LNX1: variants seen among roughly 807,000 people sequenced by gnomAD.
LNX1 encodes the protein E3 ubiquitin-protein ligase LNX.
Under a neutral mutation model 68.4 loss-of-function variants are expected in LNX1, and 54 were observed. That is an observed-to-expected ratio of 0.79 (90% CI 0.63 to 0.99). The LOEUF (loss-of-function observed/expected upper bound fraction) is 0.99, where lower values mean the gene tolerates loss of function less well. LNX1 is among the 50% of genes least tolerant of loss of function. The probability of loss-of-function intolerance (pLI) is 0.00; values close to 1 mark genes in which losing one functional copy is unlikely to be tolerated. For missense variants in LNX1, 906 were observed against 926.4 expected (o/e 0.98, Z 0.29); for synonymous variants, 336 against 350.0 (o/e 0.96, Z 0.45).
At chr4:53,471,579 T>C (rs1411160101) in intron 9 of LNX1, among the ~76,000 whole-genome samples, 6 of 152,102 alleles carry the variant, frequency 3.9e-5, no homozygotes, top group Non-Finnish European at 7.4e-5. Context: ...AGAACATTTT[T>C]GCAATCCACT....
At chr4:53,558,192 C>A in intron 2 of LNX1, 1 of 1,324,234 alleles carries the variant, frequency 7.6e-7, no homozygotes, top group South Asian at 1.7e-5. Context: ...AAGGAGCCAC[C>A]ACGGTTGGCG....
At position 53,508,140 on chromosome 4, in the gene LNX1, T is replaced by C; in HGVS notation, c.468A>G (p.Thr156=). 1 of 1,614,134 alleles carries C rather than the reference T, an allele frequency of 6.2e-7. No individual in the cohort carries two copies. The highest frequency in any genetic ancestry group is 2.2e-5 in the East Asian group (1 of 44,854). The change falls in exon 3 of 11, where the codon ACA becomes ACG. Residue 156 remains threonine (T), a synonymous_variant. Coordinates refer to ENST00000263925, the MANE Select transcript of LNX1 (RefSeq NM_001126328.3). ...DGCPDGCASL[T]ATAPSPEVSA... is the part of the protein sequence containing the mutation. Reference sequence around the variant, plus strand: ...AAACCTCTGGGGAGGGAGCCGTGGCTGTGAGGCTCGCACAGCCGTCTGGAC... The same window carrying C: ...AAACCTCTGGGGAGGGAGCCGTGGCCGTGAGGCTCGCACAGCCGTCTGGAC...
intron 9 of LNX1, among the ~76,000 whole-genome samples, chr4:53,464,146 C>G (rs1472832712): frequency 6.6e-6 from 1 of 152,076 alleles, no homozygotes; most frequent in East Asian, 1.9e-4. Context: ...TATAGAAAAC[C>G]GTCCTTTCAC....
rs567866145 is a variant in LNX1 at position 53,652,002 on chromosome 4, C to T, written c.-215+166G>A. ...ATATTTCCATCTTTTAGACTCTCCTCAATTTGATGTGTGTGTGTGAGAGAG... is the reference window on the plus strand; with the variant it reads ...ATATTTCCATCTTTTAGACTCTCCTTAATTTGATGTGTGTGTGTGAGAGAG... On this transcript the variant is annotated intron_variant, in intron 1 of 2. Coordinates refer to the LNX1 transcript ENST00000507168. Among the ~76,000 whole-genome samples the T allele has an allele frequency of 4.8e-5, 7 of 145,234 alleles. No homozygotes were observed. The East Asian group carries it at 8.0e-4, about 17-fold the overall frequency.
intron 5 of LNX1, among the ~76,000 whole-genome samples, chr4:53,497,734 C>T (rs561497304): frequency 1.3e-5 from 2 of 152,220 alleles, no homozygotes; most frequent in African/African-American, 2.4e-5. Flanking sequence ...GATTGTACTG[C>T]GGCCTGCCCC....
At chr4:53,462,916 T>G (rs1722282296) in intron 9 of LNX1, among the ~76,000 whole-genome samples, 1 of 152,178 alleles carries the variant, frequency 6.6e-6, no homozygotes, top group Non-Finnish European at 1.5e-5. Flanking sequence ...TAACACACTT[T>G]ACATAACGGT....
At chr4:53,624,134 C>T (rs1733988786) in intron 1 of LNX1, among the ~76,000 whole-genome samples, 1 of 152,190 alleles carries the variant, frequency 6.6e-6, no homozygotes, top group Non-Finnish European at 1.5e-5. Flanking sequence ...TCATCACCTA[C>T]ATGCATAGGC....
intron 2 of LNX1, among the ~76,000 whole-genome samples, chr4:53,520,607 G>A (rs1426738640): frequency 2.0e-5 from 3 of 152,168 alleles, no homozygotes; most frequent in Non-Finnish European, 4.4e-5. Flanking sequence ...ATGTGATGGG[G>A]TGGGGGTCAG....
chr4:53,598,948 C>G (rs752539522), intron 2 of LNX1, among the ~76,000 whole-genome samples: 1 of 152,116 alleles, frequency 6.6e-6, no homozygotes. Flanking sequence ...GGAAGCAGAG[C>G]TAAGGACAAA....
At chr4:53,625,365 C>G (rs1295182900) in intron 1 of LNX1, among the ~76,000 whole-genome samples, 1 of 151,970 alleles carries the variant, frequency 6.6e-6, no homozygotes, top group Non-Finnish European at 1.5e-5. Flanking sequence ...ACTCTTGTAA[C>G]TCAACAATAA....
chr4:53,565,231 C>A (rs1730580786), intron 2 of LNX1, among the ~76,000 whole-genome samples: 3 of 152,114 alleles, frequency 2.0e-5, no homozygotes, highest in Admixed American at 2.0e-4. Flanking sequence ...GTAACCTCTG[C>A]AGACTTAAGT....
intron 9 of LNX1, among the ~76,000 whole-genome samples, chr4:53,468,467 G>A (rs1480216955): frequency 6.6e-6 from 1 of 152,128 alleles, no homozygotes; most frequent in Non-Finnish European, 1.5e-5. Flanking sequence ...ACATCATAAT[G>A]ACAGGATCAA....
intron 4 of LNX1, among the ~76,000 whole-genome samples, chr4:53,502,243 C>T (rs954252668): frequency 6.6e-6 from 1 of 152,152 alleles, no homozygotes; most frequent in Non-Finnish European, 1.5e-5. Flanking sequence ...ATTACACTGT[C>T]CCCTATGGCT....
At chr4:53,540,227 A>G (rs1262996191) in intron 2 of LNX1, among the ~76,000 whole-genome samples, 2 of 152,074 alleles carry the variant, frequency 1.3e-5, no homozygotes, top group Non-Finnish European at 2.9e-5. Context: ...AAAAAAAAAT[A>G]CAAAAATTAG....
intron 4 of LNX1, among the ~76,000 whole-genome samples, chr4:53,501,011 A>G (rs1725435873): frequency 1.3e-5 from 2 of 152,182 alleles, no homozygotes; most frequent in African/African-American, 4.8e-5. Flanking sequence ...TGATAGCTTG[A>G]AAGGACATAC....
chr4:53,476,736 G>A lies in LNX1; in HGVS notation c.1892+17C>T. ...TTTTCTCCCACGCCCCTACAGGGAT[G>A]TTGTGTTTGGACTTACCGTGGTAAT... On this transcript the variant is annotated intron_variant, in intron 9 of 10. Transcript: ENST00000263925. The A allele has an allele frequency of 6.2e-7, 1 of 1,603,272 alleles. No individual in the cohort carries two copies. Among genetic ancestry groups the A allele is most frequent in the Non-Finnish European group, 8.5e-7 (1 of 1,170,060 alleles).
At chr4:53,592,540 A>C (rs1732556803), upstream of LNX1, among the ~76,000 whole-genome samples, 2 of 152,204 alleles carry the variant, frequency 1.3e-5, no homozygotes, top group Admixed American at 1.3e-4. Flanking sequence ...TACCTGAGGA[A>C]ACTGTGGATT....
intron 2 of LNX1, among the ~76,000 whole-genome samples, chr4:53,511,045 A>T (rs777666320): frequency 6.6e-6 from 1 of 152,220 alleles, no homozygotes; most frequent in Non-Finnish European, 1.5e-5. Context: ...AAACCTCATA[A>T]GGTAGGTAAG....
chr4:53,609,205 C>T (rs1733369433), intron 2 of LNX1, among the ~76,000 whole-genome samples: 2 of 151,800 alleles, frequency 1.3e-5, no homozygotes, highest in Admixed American at 1.3e-4. Context: ...CATCTGTATA[C>T]AAAACCCCTG....
Sources: allele counts gnomAD v4.1 joint callset (sites outside exome capture counted in the v4.1 genomes callset), GRCh38; gene constraint gnomAD v4.1.1; transcripts MANE v1.5; gene names NCBI Gene and HGNC (gene_info 2026-07-23, HGNC 2026-07-21).